ARHGEF7: variants seen among roughly 807,000 people sequenced by gnomAD.
The protein encoded by ARHGEF7 is PAK-interacting exchange factor beta.
In ARHGEF7, 33 loss-of-function variants were observed where a neutral mutation model predicts 109.8. That is an observed-to-expected ratio of 0.30 (90% CI 0.23 to 0.40). The LOEUF (loss-of-function observed/expected upper bound fraction) is 0.40, where lower values mean the gene tolerates loss of function less well. Among genes scored for constraint, ARHGEF7 ranks in the 10% least tolerant of loss-of-function variants. ARHGEF7 has a pLI of 1.00. For missense variants in ARHGEF7, 938 were observed against 1,098.5 expected, an observed-to-expected ratio of 0.85 and a Z score of 2.07; for synonymous variants, 458 against 424.6, an observed-to-expected ratio of 1.08 and a Z score of -0.97.
At chr13:111,125,690 C>T (rs1183354315) in intron 1 of ARHGEF7, among the ~76,000 whole-genome samples, 2 of 152,224 alleles carry the variant, frequency 1.3e-5, no homozygotes, top group African/African-American at 4.8e-5. Flanking sequence ...TGTCTCACTA[C>T]TAATTTCCTG....
chr13:111,293,324 G>A, intron 19 of ARHGEF7: 1 of 985,154 alleles, frequency 1.0e-6, no homozygotes, highest in Non-Finnish European at 1.2e-6. Context: ...GCAACCAGCT[G>A]CAGTGAAACT....
At chr13:111,251,927 G>A (rs1187202583) in intron 8 of ARHGEF7, among the ~76,000 whole-genome samples, 1 of 152,128 alleles carries the variant, frequency 6.6e-6, no homozygotes, top group Non-Finnish European at 1.5e-5. Flanking sequence ...GAATTCTTTT[G>A]TAGCTTATAT....
intron 18 of ARHGEF7, among the ~76,000 whole-genome samples, chr13:111,290,608 G>A (rs1384818364): frequency 1.3e-5 from 2 of 152,242 alleles, no homozygotes; most frequent in Middle Eastern, 3.2e-3. Flanking sequence ...CCTGTGATAC[G>A]CTGCGGCTTC....
chr13:111,221,568 T>TAG (rs1161036126), intron 5 of ARHGEF7, among the ~76,000 whole-genome samples: 1 of 80,538 alleles, frequency 1.2e-5, no homozygotes, highest in African/African-American at 3.9e-5. Context: ...TCTATATATA[T>TAG]AGATACATAT....
intron 4 of ARHGEF7, among the ~76,000 whole-genome samples, chr13:111,216,930 GCA>G (rs1278367401): frequency 1.3e-5 from 2 of 152,320 alleles, no homozygotes; most frequent in African/African-American, 2.4e-5. Flanking sequence ...CTGAAAATAT[GCA>G]CAGTTTCTGA....
intron 13 of ARHGEF7, among the ~76,000 whole-genome samples, chr13:111,278,232 G>A (rs2092597088): frequency 6.6e-6 from 1 of 152,174 alleles, no homozygotes; most frequent in Non-Finnish European, 1.5e-5. Context: ...CTTTTCTGTT[G>A]CGACAGTGGT....
intron 1 of ARHGEF7, among the ~76,000 whole-genome samples, chr13:111,135,408 A>G (rs1295838513): frequency 2.6e-5 from 4 of 152,116 alleles, no homozygotes. Context: ...CCATTTTCAC[A>G]ATATTGATTC....
intron 19 of ARHGEF7, among the ~76,000 whole-genome samples, chr13:111,295,918 G>C (rs1305131432): frequency 6.6e-6 from 1 of 152,242 alleles, no homozygotes; most frequent in African/African-American, 2.4e-5. Context: ...CAGATAGACA[G>C]GTGTTCTCTT....
chr13:111,284,819 T>TG (rs201556968), intron 16 of ARHGEF7, among the ~76,000 whole-genome samples: 3,194 of 152,300 alleles, frequency 0.021, 112 homozygotes, highest in African/African-American at 0.073. Context: ...TGCCTGGCTC[T>TG]GGCTCAGGTG....
chr13:111,116,897 G>T lies in ARHGEF7; in HGVS notation c.165+1206G>T, dbSNP rs527592846. Among the ~76,000 whole-genome samples, 8 of 152,284 alleles carry T rather than the reference G, an allele frequency of 5.3e-5. No homozygotes were observed. The East Asian group carries it at 1.3e-3, about 26-fold the overall frequency. On this transcript the variant is annotated intron_variant, in intron 1 of 21. Coordinates refer to ENST00000646102, the MANE Select transcript of ARHGEF7 (RefSeq NM_001354046.2). ...TACTTGGAACATCTTTATGAAAACA[G>T]AATCTGCATATTAGAGTGAATGGCT... is the stretch of plus-strand genomic sequence containing the variant.
chr13:111,280,859 A>T lies in ARHGEF7; in HGVS notation c.1725+182A>T. ...TCGTGCAGTAGTGAATTGTTTTCCA[A>T]TGAGTGTTCTCGAGAAACAACCCTG... On this transcript the variant is annotated intron_variant, in intron 15 of 21. Transcript: ENST00000646102. The T allele has an allele frequency of 3.0e-6, 2 of 663,690 alleles. 1 individual carries two copies. Among genetic ancestry groups the T allele is most frequent in the South Asian group, 5.2e-5 (2 of 38,674 alleles). 41.1% of individuals were successfully genotyped at this position (663,690 alleles called of 1,614,324 possible).
At chr13:111,204,349 A>G (rs2081524266) in intron 2 of ARHGEF7, among the ~76,000 whole-genome samples, 1 of 152,146 alleles carries the variant, frequency 6.6e-6, no homozygotes, top group East Asian at 1.9e-4. Context: ...TTTGGTTTTT[A>G]AATGTATCTT....
In ARHGEF7 at chr13:111,267,538, A is replaced by G. The variant is rs1209258611; in HGVS notation, c.951-10A>G. 1.2e-6 allele frequency: 2 copies of G among 1,613,690 alleles called. No homozygotes were observed. Among genetic ancestry groups the G allele is most frequent in the Admixed American group, 1.7e-5 (1 of 60,014 alleles). ...TGATGACTATTTCCCTTTGTGTCGC[A>G]TTTCTCCAGGTTGCCCGAAGCTCAG... On this transcript the variant is annotated splice_polypyrimidine_tract_variant and intron_variant, in intron 8 of 21. Coordinates refer to ENST00000646102, the MANE Select transcript of ARHGEF7 (RefSeq NM_001354046.2).
intron 17 of ARHGEF7, among the ~76,000 whole-genome samples, chr13:111,288,062 G>A (rs914294140): frequency 6.6e-6 from 1 of 152,028 alleles, no homozygotes. Context: ...CCTTTTTTCA[G>A]TTTGAGAGTG....
In ARHGEF7 at chr13:111,273,019, G is replaced by A. The variant is rs571636311; in HGVS notation, c.1074-795G>A. On this transcript the variant is annotated intron_variant, in intron 9 of 21. Transcript: ENST00000646102. This position sits in a 1 kb window ranked among gnomAD's most constrained non-coding sequence, Gnocchi z 4.5. ...GCGAGGCACTGTGAAGGGGATGGTT[G>A]AAGAGGAATACAGAAAGTTCTAAAA... Among the ~76,000 whole-genome samples, 104 of 152,254 alleles carry A rather than the reference G, an allele frequency of 6.8e-4. No homozygotes were observed. The highest frequency in any genetic ancestry group is 1.6e-3 in the Admixed American group (24 of 15,298).
intron 1 of ARHGEF7, among the ~76,000 whole-genome samples, chr13:111,120,644 C>T (rs991234750): frequency 1.3e-5 from 2 of 152,216 alleles, no homozygotes; most frequent in East Asian, 3.9e-4. Context: ...GATGCCATCT[C>T]AGGACCCGGC....
Position 111,127,862 on chromosome 13 carries a change from AG to A in ARHGEF7, c.165+12172del, listed in dbSNP as rs564227413. Among the ~76,000 whole-genome samples the A allele has an allele frequency of 2.9e-3, 439 of 152,296 alleles. 1 individual carries two copies. The highest frequency in any genetic ancestry group is 3.6e-3 in the Non-Finnish European group (243 of 68,024). On this transcript the variant is annotated intron_variant, in intron 1 of 21. Transcript: ENST00000646102. Reference sequence around the variant, plus strand: ...AATCAATTTCAGCATTACATGTAAAAGATAAGATATCATAACCAAGAAGCAT... The same window carrying A: ...AATCAATTTCAGCATTACATGTAAAAATAAGATATCATAACCAAGAAGCAT...
chr13:111,302,228 A>C (rs910970752), intron 21 of ARHGEF7, among the ~76,000 whole-genome samples: 1 of 152,182 alleles, frequency 6.6e-6, no homozygotes, highest in Non-Finnish European at 1.5e-5. Flanking sequence ...GAATGTGAGT[A>C]TGAGCAGCTT....
At position 111,258,545 on chromosome 13, in the gene ARHGEF7, G is replaced by A. The variant is rs140315478; in HGVS notation, c.951-9003G>A. ...TTCCTGTCAGGATCCATCATCTGCT[G>A]ACTAAAGAGTCCTTGGGCCCTGAGT... On this transcript the variant is annotated intron_variant, in intron 8 of 21. Transcript: ENST00000646102. The surrounding 1 kb of genome is among the most constrained non-coding windows in gnomAD (Gnocchi z 4.4). 2.3e-3 allele frequency among the ~76,000 whole-genome samples: 354 copies of A among 152,334 alleles called. No individual in the cohort carries two copies. The highest frequency in any genetic ancestry group is 7.7e-3 in the African/African-American group (322 of 41,566).
Sources: gnomAD v4.1 joint callset for allele counts (sites outside exome capture counted in the v4.1 genomes callset) on GRCh38, gnomAD v4.1.1 for gene constraint, Gnocchi (gnomAD v3.1) non-coding constraint, MANE v1.5 for transcripts, NCBI Gene and HGNC (gene_info 2026-07-23, HGNC 2026-07-21) for gene names.